The following ZC4H2 variants were observed in gnomAD, a reference collection of about 807,000 sequenced individuals.
ZC4H2 encodes the protein zinc finger C4H2-type containing, also known as zinc finger C4H2 domain-containing protein.
For synonymous variants in ZC4H2, 84 were observed against 66.3 expected, an observed-to-expected ratio of 1.27 and a Z score of -1.30; for missense variants, 137 against 173.9, an observed-to-expected ratio of 0.79 and a Z score of 1.19.
At chrX:65,001,772 A>T (rs1932542219) in intron 1 of ZC4H2, among the ~76,000 whole-genome samples, 1 of 112,138 alleles carries the variant, frequency 8.9e-6, no homozygotes, top group African/African-American at 3.2e-5. Flanking sequence ...TTGAAAGCAA[A>T]AAAAAGCAGG....
chrX:65,032,830 G>T (rs1415052813), intron 1 of ZC4H2, among the ~76,000 whole-genome samples: 1 of 107,448 alleles, frequency 9.3e-6, no homozygotes. Flanking sequence ...TAGATGGAGT[G>T]CAATGGTGCC....
intron 1 of ZC4H2, among the ~76,000 whole-genome samples, chrX:65,029,263 G>A (rs1040828150): frequency 9.8e-5 from 11 of 112,217 alleles, no homozygotes; most frequent in African/African-American, 3.6e-4. Flanking sequence ...TAGCAGTGAG[G>A]TCCAATAACA....
chrX:64,967,719 G>C (rs747067354), intron 1 of ZC4H2, among the ~76,000 whole-genome samples: 1 of 111,961 alleles, frequency 8.9e-6, no homozygotes, highest in East Asian at 2.8e-4. Context: ...AATAAATAAA[G>C]GTCCAGGATG....
intron 1 of ZC4H2, among the ~76,000 whole-genome samples, chrX:65,029,720 T>C (rs1424654960): frequency 2.7e-5 from 3 of 111,288 alleles, no homozygotes; most frequent in Non-Finnish European, 5.7e-5. Context: ...GGGTATAATA[T>C]GGGAGCAGAT....
intron 1 of ZC4H2, among the ~76,000 whole-genome samples, chrX:64,964,038 G>T (rs1931496851): frequency 9.1e-6 from 1 of 110,438 alleles, no homozygotes; most frequent in African/African-American, 3.3e-5. Context: ...ACTGAAGGAG[G>T]GGGAAACGTA....
chrX:65,004,502 G>A (rs920919220), intron 1 of ZC4H2, among the ~76,000 whole-genome samples: 1 of 111,940 alleles, frequency 8.9e-6, no homozygotes. Flanking sequence ...CTCAATAGAT[G>A]CAGAAAAGGC....
intron 1 of ZC4H2, among the ~76,000 whole-genome samples, chrX:65,015,943 C>G (rs1278087115): frequency 9.0e-6 from 1 of 110,752 alleles, no homozygotes; most frequent in Non-Finnish European, 1.9e-5. Context: ...CACTTTTATC[C>G]TCCCCAATTC....
intron 1 of ZC4H2, among the ~76,000 whole-genome samples, chrX:65,006,580 G>GT (rs1932664540): frequency 1.1e-5 from 1 of 94,858 alleles, no homozygotes; most frequent in Non-Finnish European, 2.1e-5. Flanking sequence ...GAGGGGGGAG[G>GT]GATAGCATTA....
chrX:64,922,716 T>C lies in ZC4H2; in HGVS notation c.54-728A>G, dbSNP rs1380290392. 4.4e-5 allele frequency among the ~76,000 whole-genome samples: 5 copies of C among 112,483 alleles called. No individual in the cohort carries two copies. The Middle Eastern group carries it at 0.019, about 417-fold the overall frequency. ...AGTAAGCACTGTCCAATAAACTTAC[T>C]ACAGTGATGGAAATGTTTTGTATCT... On this transcript the variant is annotated intron_variant, in intron 1 of 4. Transcript: ENST00000374839.
rs1428059887 is a variant in ZC4H2, at chrX:64,916,150, T to C, written c.*1633A>G. On this transcript the variant is annotated 3_prime_UTR_variant, in exon 5 of 5. Coordinates refer to ENST00000374839, the MANE Select transcript of ZC4H2 (RefSeq NM_018684.4). ...GAAAAAGCTTTTAAGTTTTTGGAGGTTCAGTATCCCTTTTTTTTTAAAATG... is the reference window on the plus strand; with the variant it reads ...GAAAAAGCTTTTAAGTTTTTGGAGGCTCAGTATCCCTTTTTTTTTAAAATG... 1 of 111,920 alleles carries C rather than the reference T, an allele frequency of 8.9e-6. No individual in the cohort carries two copies. The highest frequency in any genetic ancestry group is 1.9e-5 in the Non-Finnish European group (1 of 53,201). 9.2% of individuals were successfully genotyped at this position (111,920 alleles called of 1,213,427 possible).
chrX:64,929,149 T>C lies in ZC4H2; in HGVS notation c.54-7161A>G, dbSNP rs752983692. On this transcript the variant is annotated intron_variant, in intron 1 of 4. Coordinates refer to ENST00000374839, the MANE Select transcript of ZC4H2 (RefSeq NM_018684.4). ...CTCCAGTGATCTGCCTTCCTTGGAC[T>C]CCCAAAGTTGTGGGACTACAGGCGT... Among the ~76,000 whole-genome samples the C allele has an allele frequency of 6.3e-5, 7 of 111,494 alleles. No individual in the cohort carries two copies. In the East Asian group the frequency reaches 1.4e-3, roughly 23 times the overall value.
intron 1 of ZC4H2, among the ~76,000 whole-genome samples, chrX:64,952,304 G>A (rs1003654741): frequency 9.2e-6 from 1 of 108,425 alleles, no homozygotes; most frequent in Non-Finnish European, 1.9e-5. Flanking sequence ...GGTTCCATAT[G>A]AACTTTCAAG....
chrX:65,032,263 A>C (rs927456676), intron 1 of ZC4H2, among the ~76,000 whole-genome samples: 2 of 112,470 alleles, frequency 1.8e-5, no homozygotes, highest in African/African-American at 6.5e-5. Flanking sequence ...ACTGATAAAA[A>C]AATGTGTGAT....
intron 2 of ZC4H2, among the ~76,000 whole-genome samples, chrX:64,920,600 C>A (rs1014291852): frequency 8.9e-6 from 1 of 112,232 alleles, no homozygotes; most frequent in African/African-American, 3.2e-5. Context: ...TTTAGTCCAC[C>A]TTACTCCCAT....
At chrX:65,016,552 T>A (rs886892286) in intron 1 of ZC4H2, among the ~76,000 whole-genome samples, 1 of 111,978 alleles carries the variant, frequency 8.9e-6, no homozygotes, top group African/African-American at 3.2e-5. Flanking sequence ...CATAAGTACC[T>A]GCTAGAATAA....
chrX:64,922,232 G>T (rs1929229875), intron 1 of ZC4H2: 5 of 340,381 alleles, frequency 1.5e-5, no homozygotes, highest in South Asian at 1.7e-4. Flanking sequence ...GCAACATAGT[G>T]AGACCTTATA....
intron 4 of ZC4H2, chrX:64,918,230 T>A (rs1415652299): frequency 6.3e-6 from 1 of 159,789 alleles, no homozygotes; most frequent in African/African-American, 3.1e-5. Flanking sequence ...ACAAACATTT[T>A]CTGTAAAGGC....
chrX:64,999,602 C>T (rs979378793), intron 1 of ZC4H2, among the ~76,000 whole-genome samples: 17 of 111,983 alleles, frequency 1.5e-4, no homozygotes, highest in Admixed American at 2.8e-4. Flanking sequence ...ACCATTCATT[C>T]CCCTGGAAAG....
At chrX:64,986,341 G>A (rs987228133) in intron 1 of ZC4H2, among the ~76,000 whole-genome samples, 1 of 112,082 alleles carries the variant, frequency 8.9e-6, no homozygotes, top group African/African-American at 3.2e-5. Context: ...GCCTGGTATA[G>A]CTTTATTAGC....
Sources: gnomAD v4.1 joint callset for allele counts (sites outside exome capture counted in the v4.1 genomes callset) on GRCh38, gnomAD v4.1.1 for gene constraint, MANE v1.5 for transcripts, NCBI Gene and HGNC (gene_info 2026-07-23, HGNC 2026-07-21) for gene names.